The following ADAMTSL1 variants were observed in gnomAD, a reference collection of about 807,000 sequenced individuals.
ADAMTSL1 encodes ADAMTS-like protein 1.
ADAMTSL1 carries 126 observed loss-of-function variants against 201.8 expected under a neutral mutation model. That is an observed-to-expected ratio of 0.62 (90% confidence interval 0.54 to 0.72). The LOEUF (loss-of-function observed/expected upper bound fraction) is 0.72. Ranked by LOEUF, ADAMTSL1 falls within the 30% of genes least tolerant of loss-of-function variation. The probability of loss-of-function intolerance (pLI) is 0.00; values close to 1 mark genes in which losing one functional copy is unlikely to be tolerated. For missense variants in ADAMTSL1, 2,679 were observed against 2,277.8 expected, an observed-to-expected ratio of 1.18 and a Z score of -3.59; for synonymous variants, 1,121 against 903.4, an observed-to-expected ratio of 1.24 and a Z score of -4.32.
At chr9:17,935,973 A>G (rs1200362805) in intron 1 of ADAMTSL1, among the ~76,000 whole-genome samples, 1 of 152,134 alleles carries the variant, frequency 6.6e-6, no homozygotes, top group Non-Finnish European at 1.5e-5. Flanking sequence ...CCTCTCACCT[A>G]CCAGTTTCTC....
chr9:18,887,725 C>A, intron 23 of ADAMTSL1, 106 bp from the exon 24 acceptor site: 2 of 1,021,080 alleles, frequency 2.0e-6, no homozygotes, highest in Non-Finnish European at 2.9e-6. Context: ...CAGACAAGGC[C>A]ACATTGTGTG....
At chr9:18,690,408 A>G (rs1031406285) in intron 13 of ADAMTSL1, among the ~76,000 whole-genome samples, 2 of 152,134 alleles carry the variant, frequency 1.3e-5, no homozygotes, top group African/African-American at 4.8e-5. Context: ...AATGTAGTGA[A>G]CCAAACATCA....
chr9:18,156,859 CAG>C (rs974684058), intron 1 of ADAMTSL1, among the ~76,000 whole-genome samples: 6 of 152,036 alleles, frequency 3.9e-5, no homozygotes, highest in African/African-American at 1.4e-4. Context: ...TCTTTGGAAA[CAG>C]AATCCTGTTC....
intron 4 of ADAMTSL1, among the ~76,000 whole-genome samples, chr9:18,617,669 G>T (rs1825780511): frequency 6.6e-6 from 1 of 152,120 alleles, no homozygotes; most frequent in South Asian, 2.1e-4. Context: ...GGTACAAAAA[G>T]CATACATTTA....
chr9:18,597,036 T>C (rs1201825948), intron 4 of ADAMTSL1, among the ~76,000 whole-genome samples: 5 of 152,218 alleles, frequency 3.3e-5, no homozygotes, highest in Non-Finnish European at 7.3e-5. Context: ...GAGAACTTCT[T>C]ACTAGGAGAG....
At chr9:18,892,646 A>G in intron 26 of ADAMTSL1, 50 bp downstream of exon 26, 1 of 1,526,994 alleles carries the variant, frequency 6.5e-7, no homozygotes, top group East Asian at 2.5e-5. Context: ...AAAGGAATGG[A>G]CCCTGCCACA....
At chr9:18,182,758 G>C (rs11789982) in intron 2 of ADAMTSL1, among the ~76,000 whole-genome samples, 12,605 of 152,268 alleles carry the variant, frequency 0.083, 894 homozygotes, top group African/African-American at 0.18. Flanking sequence ...GAGGCACGGA[G>C]TGATTAACCA....
intron 10 of ADAMTSL1, among the ~76,000 whole-genome samples, chr9:18,680,100 G>A (rs1406711665): frequency 6.6e-6 from 1 of 152,174 alleles, no homozygotes; most frequent in African/African-American, 2.4e-5. Context: ...CATTTGTATA[G>A]AGCTTCACGG....
At chr9:18,343,897 G>A (rs1158549469) in intron 2 of ADAMTSL1, among the ~76,000 whole-genome samples, 1 of 152,068 alleles carries the variant, frequency 6.6e-6, no homozygotes, top group Non-Finnish European at 1.5e-5. Flanking sequence ...AATGTGATAA[G>A]CATGCTTCCC....
intron 2 of ADAMTSL1, among the ~76,000 whole-genome samples, chr9:18,456,345 C>A (rs979431797): frequency 6.6e-6 from 1 of 152,160 alleles, no homozygotes; most frequent in Admixed American, 6.5e-5. Flanking sequence ...CCTCCTCCTG[C>A]CACACTGGAA....
At chr9:18,298,989 G>C (rs1833588420) in intron 2 of ADAMTSL1, among the ~76,000 whole-genome samples, 1 of 148,968 alleles carries the variant, frequency 6.7e-6, no homozygotes, top group South Asian at 2.2e-4. Context: ...TCCAGCCTGG[G>C]CGACAGAGCC....
intron 2 of ADAMTSL1, among the ~76,000 whole-genome samples, chr9:18,252,830 G>A (rs1831518986): frequency 6.6e-6 from 1 of 152,092 alleles, no homozygotes; most frequent in Non-Finnish European, 1.5e-5. Context: ...AAGTTATCTT[G>A]CTGTATCTAA....
At chr9:18,240,304 G>A (rs1831013504) in intron 2 of ADAMTSL1, among the ~76,000 whole-genome samples, 1 of 151,816 alleles carries the variant, frequency 6.6e-6, no homozygotes, top group African/African-American at 2.4e-5. Context: ...GGGTGACTAG[G>A]TGCATTGTTA....
intron 1 of ADAMTSL1, among the ~76,000 whole-genome samples, chr9:18,132,400 C>A (rs1004880029): frequency 6.6e-6 from 1 of 152,178 alleles, no homozygotes; most frequent in Admixed American, 6.6e-5. Flanking sequence ...ATTTCCAGAA[C>A]TTTACCATCA....
chr9:18,111,244 A>G (rs1319633705), intron 1 of ADAMTSL1, among the ~76,000 whole-genome samples: 1 of 152,142 alleles, frequency 6.6e-6, no homozygotes, highest in Non-Finnish European at 1.5e-5. Flanking sequence ...ATAAATCAAG[A>G]TTTTATACTG....
In ADAMTSL1 at chr9:18,054,370, C is replaced by T. The variant is rs147500853; in HGVS notation, c.88-109492C>T. Among the ~76,000 whole-genome samples, 259 of 152,290 alleles carry T rather than the reference C, an allele frequency of 1.7e-3. 2 individuals are homozygous for T. Among genetic ancestry groups the T allele is most frequent in the Admixed American group, 0.012 (183 of 15,302 alleles). On this transcript the variant is annotated intron_variant, in intron 1 of 29. Transcript: ENST00000680146. ...AACTAATTAGAAAACTTTATTAAGT[C>T]CTATGCCTAACAAAATGGATTGTAG...
rs141813382 is a variant in ADAMTSL1 at position 18,186,955 on chromosome 9, C to G, written c.207+22974C>G. Among the ~76,000 whole-genome samples the G allele has an allele frequency of 2.3e-3, 356 of 152,154 alleles. 1 individual carries two copies. Among genetic ancestry groups the G allele is most frequent in the African/African-American group, 8.1e-3 (335 of 41,502 alleles). ...TAACTGGTAAATGGTGGAACCAGGA[C>G]CCAGACTCAAGACTTTCAACTCTAA... On this transcript the variant is annotated intron_variant, in intron 2 of 29. Coordinates refer to the ADAMTSL1 transcript ENST00000680146.
chr9:18,471,951 A>T (rs1484595328), upstream of ADAMTSL1, among the ~76,000 whole-genome samples: 1 of 152,172 alleles, frequency 6.6e-6, no homozygotes, highest in African/African-American at 2.4e-5. Context: ...GACCATGCTG[A>T]TTATTTTTCT....
intron 23 of ADAMTSL1, among the ~76,000 whole-genome samples, chr9:18,881,349 TTTTC>T (rs1448288391): frequency 1.3e-5 from 2 of 152,198 alleles, no homozygotes; most frequent in African/African-American, 4.8e-5. Context: ...ATGTACAACT[TTTTC>T]TTTGTCTTGA....
Sources: gnomAD v4.1 joint callset for allele counts (sites outside exome capture counted in the v4.1 genomes callset) on GRCh38, gnomAD v4.1.1 for gene constraint, MANE v1.5 for transcripts, NCBI Gene and HGNC (gene_info 2026-07-23, HGNC 2026-07-21) for gene names.